TCN1: variants seen among roughly 807,000 people sequenced by gnomAD.
TCN1 encodes transcobalamin 1.
TCN1 carries 47 observed loss-of-function variants against 46.3 expected under a neutral mutation model. The ratio of observed to expected loss-of-function variants is 1.01; its 90% CI spans 0.80 to 1.29. The LOEUF (loss-of-function observed/expected upper bound fraction) is 1.29, where lower values mean the gene tolerates loss of function less well. Among genes scored for constraint, TCN1 ranks in the 50% most tolerant of loss-of-function variants. The pLI is 0.00. For synonymous variants in TCN1, 183 were observed against 192.5 expected (o/e 0.95, Z 0.41); for missense variants, 532 against 511.0 (o/e 1.04, Z -0.40).
intron 5 of TCN1, among the ~76,000 whole-genome samples, chr11:59,856,280 G>C (rs1224438035): frequency 6.6e-6 from 1 of 152,152 alleles, no homozygotes; most frequent in Non-Finnish European, 1.5e-5. Context: ...GGTTGGAACT[G>C]CTTAATAACA....
At position 59,852,826 on chromosome 11, in the gene TCN1, A is replaced by G; in HGVS notation, c.*149T>C. 1 of 785,140 alleles carries G rather than the reference A, an allele frequency of 1.3e-6. No individual in the cohort carries two copies. The allele number at this position is 785,140 out of a possible 1,614,324, so 48.6% of individuals were successfully genotyped here. A position where few individuals can be genotyped will look rare whatever the true frequency, so the allele number is the denominator to read the frequency against. On this transcript the variant is annotated 3_prime_UTR_variant, in exon 9 of 9. Coordinates refer to ENST00000257264, the MANE Select transcript of TCN1 (RefSeq NM_001062.4). ...CTTTTTGTATAGTTGTTAATCTTTC[A>G]ACAACTTTTATTGAACATGTAGAGA...
At chr11:59,863,765 T>C in intron 2 of TCN1, 142 bp downstream of exon 2, 1 of 974,720 alleles carries the variant, frequency 1.0e-6, no homozygotes, top group Non-Finnish European at 1.6e-6. Flanking sequence ...ATTTTGGGCA[T>C]GTTTCTGTTA....
Position 59,864,011 on chromosome 11 carries a change from G to A in TCN1, c.155C>T (p.Thr52Ile). ...TMIQSNYNRG[T>I]SAVNVVLSLK... ...GGACAACACAACATTGACAGCGCTG[G>A]TTCCCCTGTTATAGTTTGACTGGAT... Residue 52 changes from threonine to isoleucine, a missense_variant, in exon 2 of 9, where the codon ACC (threonine) becomes ATC (isoleucine). Thr to Ile is a moderately conservative substitution (Grantham distance 89). Transcript: ENST00000257264. 3 of 1,613,952 alleles carry A rather than the reference G, an allele frequency of 1.9e-6. No individual in the cohort carries two copies. Among genetic ancestry groups the A allele is most frequent in the Non-Finnish European group, 2.5e-6 (3 of 1,179,852 alleles).
At chr11:59,853,374 A>G in intron 7 of TCN1, 53 bp from the exon 8 acceptor site, 3 of 1,483,910 alleles carry the variant, frequency 2.0e-6, no homozygotes, top group Non-Finnish European at 2.8e-6. Flanking sequence ...AAAGGAAACC[A>G]ACAATAGGCA....
rs775639150 is a variant in TCN1, at chr11:59,861,675, G to T, written c.408C>A (p.His136Gln). Residue 136 changes from histidine to glutamine, a missense_variant, in exon 4 of 9, where the codon CAC becomes CAA. By Grantham distance (24) the His-to-Gln change is conservative (BLOSUM62 0). Coordinates refer to ENST00000257264, the MANE Select transcript of TCN1 (RefSeq NM_001062.4). Reference sequence around the variant, plus strand: ...AGTAGTTAGTCAGGGGAGTGCCATTGTGTGCTTCTAGAAAAGAGAAGAAAT... The same window carrying T: ...AGTAGTTAGTCAGGGGAGTGCCATTTTGTGCTTCTAGAAAAGAGAAGAAAT... ...FQAEIENMEAHNGTPLTNYYQ... is the reference protein window; with the variant it reads ...FQAEIENMEAQNGTPLTNYYQ... 2.5e-6 allele frequency: 4 copies of T among 1,614,100 alleles called. No individual in the cohort carries two copies. Among genetic ancestry groups the T allele is most frequent in the Non-Finnish European group, 3.4e-6 (4 of 1,179,966 alleles).
At chr11:59,861,338 C>A (rs117699377) in intron 4 of TCN1, among the ~76,000 whole-genome samples, 189 bp downstream of exon 4, 1,750 of 152,272 alleles carry the variant, frequency 0.011, 13 homozygotes, top group Non-Finnish European at 0.018. Flanking sequence ...TACTATACCA[C>A]ACATCTAGAA....
intron 4 of TCN1, among the ~76,000 whole-genome samples, chr11:59,860,122 T>A (rs1265748493): frequency 1.3e-5 from 2 of 152,086 alleles, no homozygotes; most frequent in Non-Finnish European, 2.9e-5. Flanking sequence ...TGTTTTTTGT[T>A]TGTTTGTTTT....
chr11:59,859,319 C>T (rs370715099), intron 4 of TCN1, 52 bp from the exon 5 acceptor site: 246 of 1,599,212 alleles, frequency 1.5e-4, no homozygotes, highest in Non-Finnish European at 2.0e-4. Flanking sequence ...TCAGTTTGTC[C>T]TGGGCCGAGA....
rs745790248 is a variant in TCN1 at position 59,863,985 on chromosome 11, G to C, written c.181C>G (p.Leu61Val). The C allele has an allele frequency of 1.2e-6, 2 of 1,613,782 alleles. No individual in the cohort carries two copies. Among genetic ancestry groups the C allele is most frequent in the Middle Eastern group, 1.7e-4 (1 of 6,058 alleles). ...GTSAVNVVLS[L>V]KLVGIQIQTL... ...TGGATCTGGATTCCAACAAGTTTGAGGGACAACACAACATTGACAGCGCTG... is the reference window on the plus strand; with the variant it reads ...TGGATCTGGATTCCAACAAGTTTGACGGACAACACAACATTGACAGCGCTG... The change falls in exon 2 of 9, where the codon CTC becomes GTC. Residue 61 changes from leucine (L) to valine (V), a missense_variant. By Grantham distance (32) the Leu-to-Val change is conservative. Transcript: ENST00000257264.
chr11:59,856,409 G>T (rs1289577989), intron 5 of TCN1, among the ~76,000 whole-genome samples: 1 of 151,960 alleles, frequency 6.6e-6, no homozygotes, highest in Non-Finnish European at 1.5e-5. Context: ...ACTGTAAAAG[G>T]AGTTGCCAGA....
chr11:59,854,658 A>G lies in TCN1; in HGVS notation c.1115T>C (p.Ile372Thr), dbSNP rs2135104686. 1 of 1,613,786 alleles carries G rather than the reference A, an allele frequency of 6.2e-7. No homozygotes were observed. The highest frequency in any genetic ancestry group is 8.5e-7 in the Non-Finnish European group (1 of 1,179,784). ...AGGTTAGGTACAGACCTACCCAAAT[A>G]TAGTATCATTCATTTTCTGGGCTTT... ...MEKAQKMNDT[I>T]FGFTMEERSW... is the part of the protein sequence containing the mutation. Residue 372 changes from isoleucine (I) to threonine (T), a missense_variant, in exon 7 of 9, where the codon ATA (isoleucine) becomes ACA (threonine). Ile to Thr is a moderately conservative substitution (Grantham distance 89). Transcript: ENST00000257264.
At chr11:59,853,404 C>T in intron 7 of TCN1, 83 bp from the exon 8 acceptor site, 2 of 1,186,088 alleles carry the variant, frequency 1.7e-6, no homozygotes, top group Non-Finnish European at 2.5e-6. Flanking sequence ...CTTTAATGTA[C>T]CTGAGAATCA....
At position 59,853,180 on chromosome 11, in the gene TCN1, T is replaced by C. The variant is rs111934466; in HGVS notation, c.1240+23A>G. 2.4e-3 allele frequency: 3,869 copies of C among 1,613,480 alleles called. 83 individuals carry two copies. The African/African-American group carries it at 0.046, about 19-fold the overall frequency. ...CATTTGGGCATTTTTAGCATGGGTCTTTTTGGCATGTCTCTCCCTTACCTT... is the reference window on the plus strand; with the variant it reads ...CATTTGGGCATTTTTAGCATGGGTCCTTTTGGCATGTCTCTCCCTTACCTT... On this transcript the variant is annotated intron_variant, in intron 8 of 8. Coordinates refer to ENST00000257264, the MANE Select transcript of TCN1 (RefSeq NM_001062.4).
chr11:59,855,444 T>C (rs1852920232), intron 6 of TCN1, among the ~76,000 whole-genome samples: 1 of 152,202 alleles, frequency 6.6e-6, no homozygotes, highest in Non-Finnish European at 1.5e-5. Flanking sequence ...GAATAAGTAA[T>C]GCATGCTACA....
At chr11:59,866,371 T>G (rs535420517) in intron 1 of TCN1, 21 bp downstream of exon 1, 1 of 1,611,762 alleles carries the variant, frequency 6.2e-7, no homozygotes, top group Admixed American at 1.7e-5. Flanking sequence ...CTAGAGTAAT[T>G]TTAGCTCAAA....
chr11:59,854,548 C>A (rs1852905424), intron 7 of TCN1, 104 bp downstream of exon 7: 1 of 1,276,430 alleles, frequency 7.8e-7, no homozygotes, highest in South Asian at 1.2e-5. Context: ...GCTACTGACC[C>A]AGAAGCATTT....
intron 4 of TCN1, among the ~76,000 whole-genome samples, chr11:59,859,890 A>G (rs1297811355): frequency 1.3e-5 from 2 of 152,192 alleles, no homozygotes; most frequent in Admixed American, 6.5e-5. Context: ...CCCTGCAAAG[A>G]TATGTCTGCT....
Position 59,852,846 on chromosome 11 carries a change from T to G in TCN1, c.*129A>C, listed in dbSNP as rs765093929. On this transcript the variant is annotated 3_prime_UTR_variant, in exon 9 of 9. Coordinates refer to ENST00000257264, the MANE Select transcript of TCN1 (RefSeq NM_001062.4). The stretch of plus-strand genomic sequence containing the variant: ...CTTTCAACAACTTTTATTGAACATG[T>G]AGAGAGAGAAGGGGAGGTTATTAAC... The G allele has an allele frequency of 2.1e-5, 18 of 846,502 alleles. No homozygotes were observed. The highest frequency in any genetic ancestry group is 3.3e-5 in the Non-Finnish European group (16 of 485,300). The allele number at this position is 846,502 out of a possible 1,614,324, so 52.4% of individuals were successfully genotyped here.
chr11:59,859,103 T>C lies in TCN1; in HGVS notation c.721A>G (p.Thr241Ala), dbSNP rs1852986799. Residue 241 changes from threonine to alanine, a missense_variant, in exon 5 of 9, where the codon ACA becomes GCA. By Grantham distance (58) the Thr-to-Ala change is moderately conservative (BLOSUM62 0). Coordinates refer to ENST00000257264, the MANE Select transcript of TCN1 (RefSeq NM_001062.4). ...EKKENGLIGNTFSTGEAMQAL... is the reference protein window; with the variant it reads ...EKKENGLIGNAFSTGEAMQAL... The stretch of plus-strand genomic sequence containing the variant: ...TGCATGGCTTCTCCTGTGCTAAATG[T>C]GTTTCCAATGAGACCATTTTCTTTT... The C allele has an allele frequency of 6.2e-7, 1 of 1,613,914 alleles. No individual in the cohort carries two copies. The highest frequency in any genetic ancestry group is 8.5e-7 in the Non-Finnish European group (1 of 1,180,034).
Sources: allele counts gnomAD v4.1 joint callset (sites outside exome capture counted in the v4.1 genomes callset), GRCh38; gene constraint gnomAD v4.1.1; transcripts MANE v1.5; gene names NCBI Gene and HGNC (gene_info 2026-07-23, HGNC 2026-07-21).